PRKAA2: variants seen among roughly 807,000 people sequenced by gnomAD.
PRKAA2 encodes the protein protein kinase AMP-activated catalytic subunit alpha 2.
In PRKAA2, 40 loss-of-function variants were observed where a neutral mutation model predicts 56.3. The ratio of observed to expected loss-of-function variants is 0.71; its 90% CI spans 0.55 to 0.92. The LOEUF is 0.92. Among genes scored for constraint, PRKAA2 ranks in the 40% least tolerant of loss-of-function variants. The probability of loss-of-function intolerance (pLI) is 0.00; values close to 1 mark genes in which losing one functional copy is unlikely to be tolerated. For synonymous variants in PRKAA2, 214 were observed against 234.2 expected, an observed-to-expected ratio of 0.91 and a Z score of 0.79; for missense variants, 542 against 686.9, an observed-to-expected ratio of 0.79 and a Z score of 2.36.
intron 1 of PRKAA2, among the ~76,000 whole-genome samples, chr1:56,655,280 A>ATATATATTT: frequency 0.014 from 1,325 of 93,598 alleles, 27 homozygotes; most frequent in Non-Finnish European, 0.019. Context: ...ATATATATAT[A>ATATATATTT]TTTTTTTTTT....
chr1:56,650,038 T>C (rs1389130764), intron 1 of PRKAA2, among the ~76,000 whole-genome samples: 1 of 151,822 alleles, frequency 6.6e-6, no homozygotes, highest in Non-Finnish European at 1.5e-5. Context: ...GAAGTTGCAG[T>C]GGGCCGAGAT....
At chr1:56,647,583 A>G (rs950308008) in intron 1 of PRKAA2, among the ~76,000 whole-genome samples, 1 of 152,198 alleles carries the variant, frequency 6.6e-6, no homozygotes, top group Non-Finnish European at 1.5e-5. Context: ...CCAATGAACA[A>G]CCAGTTGAAG....
intron 1 of PRKAA2, among the ~76,000 whole-genome samples, chr1:56,650,741 G>C (rs1282634921): frequency 7.9e-5 from 12 of 152,122 alleles, no homozygotes; most frequent in Non-Finnish European, 1.5e-5. Context: ...GGGATACTTA[G>C]GTTCTTTCTT....
At position 56,712,961 on chromosome 1, in the gene PRKAA2, T is replaced by G. The variant is rs1226240003; in HGVS notation, c.*5248T>G. ...TATCCAAATTTCATATGCAGATTGA[T>G]TTTTCATTTTGTATGTATATTACAT... On this transcript the variant is annotated 3_prime_UTR_variant, in exon 9 of 9. Transcript: ENST00000371244. 1 of 152,214 alleles carries G rather than the reference T, an allele frequency of 6.6e-6. No individual in the cohort carries two copies. The highest frequency in any genetic ancestry group is 2.4e-5 in the African/African-American group (1 of 41,464). 9.4% of individuals were successfully genotyped at this position (152,214 alleles called of 1,614,324 possible). A position where few individuals can be genotyped will look rare whatever the true frequency, so the allele number is the denominator to read the frequency against.
chr1:56,666,497 CAT>C (rs974098229), intron 1 of PRKAA2, among the ~76,000 whole-genome samples: 6 of 152,158 alleles, frequency 3.9e-5, no homozygotes, highest in African/African-American at 1.4e-4. Flanking sequence ...ACAAATGAGA[CAT>C]AGACATGTGA....
Position 56,714,096 on chromosome 1 carries a change from G to A in PRKAA2, c.*6383G>A, listed in dbSNP as rs1210835586. 3 of 151,966 alleles carry A rather than the reference G, an allele frequency of 2.0e-5. No individual in the cohort carries two copies. Among genetic ancestry groups the A allele is most frequent in the African/African-American group, 7.3e-5 (3 of 41,376 alleles). 9.4% of individuals were successfully genotyped at this position (151,966 alleles called of 1,614,324 possible). A position where few individuals can be genotyped will look rare whatever the true frequency, so the allele number is the denominator to read the frequency against. The stretch of plus-strand genomic sequence containing the variant: ...TTTTCCTATTTCTTTCATGTTGATT[G>A]ACTTTATAAGTCACCTTGGTAAACA... On this transcript the variant is annotated 3_prime_UTR_variant, in exon 9 of 9. Transcript: ENST00000371244.
At chr1:56,666,349 G>C (rs1230074583) in intron 1 of PRKAA2, among the ~76,000 whole-genome samples, 1 of 152,192 alleles carries the variant, frequency 6.6e-6, no homozygotes, top group East Asian at 1.9e-4. Flanking sequence ...AGCACTTGAT[G>C]TTAAGAGCCA....
rs769171470 is a variant in PRKAA2, at chr1:56,704,081, T to G, written c.899T>G (p.Phe300Cys). 1.2e-6 allele frequency: 2 copies of G among 1,614,118 alleles called. No homozygotes were observed. Among genetic ancestry groups the G allele is most frequent in the South Asian group, 1.1e-5 (1 of 91,076 alleles). ...DEAVKEVCEK[F>C]ECTESEVMNS... is the part of the protein sequence containing the mutation. The stretch of plus-strand genomic sequence containing the variant: ...GCTGTGAAAGAAGTGTGTGAAAAAT[T>G]TGAATGTACAGAATCAGAAGTAATG... Residue 300 changes from phenylalanine to cysteine, a missense_variant, in exon 7 of 9, where the codon TTT (phenylalanine) becomes TGT (cysteine). Coordinates refer to ENST00000371244, the MANE Select transcript of PRKAA2 (RefSeq NM_006252.4).
At chr1:56,696,741 G>A (rs1644261267) in intron 6 of PRKAA2, among the ~76,000 whole-genome samples, 1 of 152,132 alleles carries the variant, frequency 6.6e-6, no homozygotes, top group South Asian at 2.1e-4. Flanking sequence ...GAATTCAATA[G>A]CTGCTAGTCA....
At chr1:56,646,847 C>T (rs542495829) in intron 1 of PRKAA2, among the ~76,000 whole-genome samples, 1 of 152,298 alleles carries the variant, frequency 6.6e-6, no homozygotes, top group East Asian at 1.9e-4. Context: ...GTTCAAAAAA[C>T]GCTGAGCACC....
rs1180961566 is a variant in PRKAA2 at position 56,712,619 on chromosome 1, A to G, written c.*4906A>G. ...ATAATCCCAGCACTTTGGGAGGCCAAAGTGGGTGGATCACCCGAGTTCAGG... is the reference window on the plus strand; with the variant it reads ...ATAATCCCAGCACTTTGGGAGGCCAGAGTGGGTGGATCACCCGAGTTCAGG... On this transcript the variant is annotated 3_prime_UTR_variant, in exon 9 of 9. Coordinates refer to ENST00000371244, the MANE Select transcript of PRKAA2 (RefSeq NM_006252.4). 7 of 152,152 alleles carry G rather than the reference A, an allele frequency of 4.6e-5. No individual in the cohort carries two copies. Among genetic ancestry groups the G allele is most frequent in the African/African-American group, 1.7e-4 (7 of 41,432 alleles). The allele number at this position is 152,152 out of a possible 1,614,324, so 9.4% of individuals were successfully genotyped here. A position where few individuals can be genotyped will look rare whatever the true frequency, so the allele number is the denominator to read the frequency against.
chr1:56,660,289 G>C (rs1643983710), intron 1 of PRKAA2, among the ~76,000 whole-genome samples: 1 of 152,184 alleles, frequency 6.6e-6, no homozygotes, highest in Admixed American at 6.5e-5. Flanking sequence ...AAGACTTCAA[G>C]GATGTACAAG....
chr1:56,668,310 T>A (rs1202193889), intron 1 of PRKAA2, among the ~76,000 whole-genome samples: 1 of 151,140 alleles, frequency 6.6e-6, no homozygotes, highest in Non-Finnish European at 1.5e-5. Context: ...ATATACCTAA[T>A]GTTAGATGAC....
chr1:56,651,195 TTTAA>T (rs1643894079), intron 1 of PRKAA2, among the ~76,000 whole-genome samples: 1 of 152,242 alleles, frequency 6.6e-6, no homozygotes, highest in African/African-American at 2.4e-5. Flanking sequence ...AATGGGTATA[TTTAA>T]TTATTCATCC....
intron 1 of PRKAA2, among the ~76,000 whole-genome samples, chr1:56,662,008 T>C (rs766084379): frequency 6.6e-6 from 1 of 152,156 alleles, no homozygotes; most frequent in Non-Finnish European, 1.5e-5. Context: ...TATTCTACAT[T>C]TGTATGTGTG....
At chr1:56,688,871 C>G (rs564695145) in intron 2 of PRKAA2, among the ~76,000 whole-genome samples, 1 of 152,188 alleles carries the variant, frequency 6.6e-6, no homozygotes, top group Non-Finnish European at 1.5e-5. Flanking sequence ...TTGATCTCAC[C>G]GAGTACAATA....
intron 1 of PRKAA2, among the ~76,000 whole-genome samples, chr1:56,662,957 A>G (rs1208349980): frequency 1.3e-5 from 2 of 152,158 alleles, no homozygotes; most frequent in Non-Finnish European, 2.9e-5. Flanking sequence ...GGTTTTGGCT[A>G]ACTTTCCCAA....
intron 1 of PRKAA2, 71 bp from the exon 2 acceptor site, chr1:56,674,310 A>G (rs1457296641): frequency 8.1e-6 from 11 of 1,358,248 alleles, no homozygotes; most frequent in East Asian, 5.0e-5. Flanking sequence ...TTAGGGCACA[A>G]TGGAAGGAAG....
At chr1:56,696,535 C>CT (rs1277257781) in intron 6 of PRKAA2, among the ~76,000 whole-genome samples, 1 of 151,826 alleles carries the variant, frequency 6.6e-6, no homozygotes, top group Non-Finnish European at 1.5e-5. Context: ...CTCAGTGTGT[C>CT]TTTTTTCTCT....
Sources: gnomAD v4.1 joint callset for allele counts (sites outside exome capture counted in the v4.1 genomes callset) on GRCh38, gnomAD v4.1.1 for gene constraint, MANE v1.5 for transcripts, NCBI Gene and HGNC (gene_info 2026-07-23, HGNC 2026-07-21) for gene names.